Variants in KLHDC4 observed in about 807,000 individuals in gnomAD.
KLHDC4 encodes the protein kelch domain containing 4, also known as kelch domain-containing protein 4.
A neutral mutation model predicts 62.4 loss-of-function variants in KLHDC4; 90 were observed. The ratio of observed to expected loss-of-function variants is 1.44; its 90% CI spans 1.22 to 1.72. The LOEUF (loss-of-function observed/expected upper bound fraction) is 1.72. KLHDC4 is among the 40% of genes most tolerant of loss of function. KLHDC4 has a pLI of 0.00. For synonymous variants in KLHDC4, 386 were observed against 284.4 expected, an observed-to-expected ratio of 1.36 and a Z score of -3.59; for missense variants, 1,025 against 699.7, an observed-to-expected ratio of 1.47 and a Z score of -5.25.
At chr16:87,749,606 C>T (rs1360596300) in intron 4 of KLHDC4, among the ~76,000 whole-genome samples, 1 of 151,260 alleles carries the variant, frequency 6.6e-6, no homozygotes, top group African/African-American at 2.4e-5. Flanking sequence ...CTTTTAGAGA[C>T]CACGTCTTGC....
chr16:87,752,338 CTT>C (rs564903141), intron 4 of KLHDC4, among the ~76,000 whole-genome samples: 67 of 133,074 alleles, frequency 5.0e-4, no homozygotes, highest in Admixed American at 2.0e-3. Context: ...ACTGTTTTTT[CTT>C]TTTTTTTTTT....
chr16:87,748,842 G>A (rs1166596446), intron 4 of KLHDC4, 33 bp from the exon 5 acceptor site: 4 of 1,610,048 alleles, frequency 2.5e-6, no homozygotes, highest in Non-Finnish European at 3.4e-6. Flanking sequence ...TCAGGGCACA[G>A]CCACACAGCA....
rs566406547 is a variant in KLHDC4, at chr16:87,758,990, G to A, written c.192-2513C>T. ...GGGGAGTTCGAGACCAGTCTGGCCA[G>A]CATGAGGAAACCCCATCTCTACTAA... On this transcript the variant is annotated intron_variant, in intron 2 of 11. Transcript: ENST00000270583. 3.0e-3 allele frequency among the ~76,000 whole-genome samples: 460 copies of A among 151,994 alleles called. 4 individuals are homozygous for A. The highest frequency in any genetic ancestry group is 0.016 in the South Asian group (79 of 4,812).
chr16:87,715,109 G>A (rs2036682587), intron 7 of KLHDC4, among the ~76,000 whole-genome samples: 1 of 152,154 alleles, frequency 6.6e-6, no homozygotes, highest in African/African-American at 2.4e-5. Flanking sequence ...CAGGTGCACT[G>A]TTCCCCAGCA....
intron 5 of KLHDC4, among the ~76,000 whole-genome samples, chr16:87,735,053 T>G (rs2041071688): frequency 6.9e-6 from 1 of 145,442 alleles, no homozygotes; most frequent in Admixed American, 7.0e-5. Flanking sequence ...CAGACGAATT[T>G]CCTGATGGAT....
chr16:87,752,242 A>G (rs1423487510), intron 4 of KLHDC4, among the ~76,000 whole-genome samples: 1 of 150,698 alleles, frequency 6.6e-6, no homozygotes, highest in African/African-American at 2.4e-5. Flanking sequence ...CCCGTTCTCC[A>G]CAAAAAAGAA....
chr16:87,729,933 T>G (rs999462287), intron 6 of KLHDC4, among the ~76,000 whole-genome samples: 5 of 152,216 alleles, frequency 3.3e-5, no homozygotes, highest in Non-Finnish European at 7.3e-5. Context: ...AGGCTAAGGT[T>G]TGAGAATCCC....
At chr16:87,761,854 G>A (rs1234354381) in intron 2 of KLHDC4, 95 bp downstream of exon 2, 8 of 1,139,544 alleles carry the variant, frequency 7.0e-6, no homozygotes, top group Non-Finnish European at 1.0e-5. Context: ...TGTCCCAAGT[G>A]CCTGGTCATT....
chr16:87,737,908 T>G (rs1294981053), intron 5 of KLHDC4, among the ~76,000 whole-genome samples: 1 of 152,098 alleles, frequency 6.6e-6, no homozygotes, highest in Non-Finnish European at 1.5e-5. Context: ...TCTAAGTACA[T>G]GTGGGTCCCA....
Position 87,748,668 on chromosome 16 carries a change from C to CT in KLHDC4, c.506+4dup. 6.2e-7 allele frequency: 1 copy of CT among 1,613,652 alleles called. No homozygotes were observed. On this transcript the variant is annotated splice_donor_region_variant and intron_variant, in intron 5 of 11. Transcript: ENST00000270583. ...CGGAGCTCAGCTTCTCATCTGGCTTCTTACTTGACTTGTTCCCAGGTCTTG... is the reference window on the plus strand; with the variant it reads ...CGGAGCTCAGCTTCTCATCTGGCTTCTTTACTTGACTTGTTCCCAGGTCTTG...
chr16:87,734,757 CA>C (rs2040985674), intron 5 of KLHDC4, among the ~76,000 whole-genome samples: 1 of 152,170 alleles, frequency 6.6e-6, no homozygotes, highest in African/African-American at 2.4e-5. Flanking sequence ...TGGAGTCCTG[CA>C]AGCTGGCCTC....
chr16:87,738,100 A>C (rs57832667), intron 5 of KLHDC4, among the ~76,000 whole-genome samples: 4,469 of 152,120 alleles, frequency 0.029, 178 homozygotes, highest in African/African-American at 0.091. Context: ...CCAACCCACC[A>C]CCCAGAGGGC....
In KLHDC4 at chr16:87,761,423, G is replaced by A. The variant is rs180899496; in HGVS notation, c.191+526C>T. Among the ~76,000 whole-genome samples the A allele has an allele frequency of 2.5e-3, 387 of 152,284 alleles. 2 individuals are homozygous for A. Among genetic ancestry groups the A allele is most frequent in the African/African-American group, 9.0e-3 (374 of 41,558 alleles). On this transcript the variant is annotated intron_variant, in intron 2 of 11. Coordinates refer to ENST00000270583, the MANE Select transcript of KLHDC4 (RefSeq NM_017566.4). ...TCCTGCAAGGTTAATCTCCTACTGAGGGAAATAAACCATTTCTCATTCCAG... is the reference window on the plus strand; with the variant it reads ...TCCTGCAAGGTTAATCTCCTACTGAAGGAAATAAACCATTTCTCATTCCAG...
rs182665864 is a variant in KLHDC4, at chr16:87,733,131, G to T, written c.507-2487C>A. Among the ~76,000 whole-genome samples, 294 of 151,680 alleles carry T rather than the reference G, an allele frequency of 1.9e-3. 2 individuals are homozygous for T. Among genetic ancestry groups the T allele is most frequent in the African/African-American group, 6.9e-3 (283 of 41,262 alleles). ...TATCCCAGCTTCTATCGGTGAAAAG[G>T]CAGGTGCAAAGCAAATCCTATCCCA... On this transcript the variant is annotated intron_variant, in intron 5 of 11. Transcript: ENST00000270583.
At chr16:87,741,951 T>C (rs1433545769) in intron 5 of KLHDC4, among the ~76,000 whole-genome samples, 3 of 152,220 alleles carry the variant, frequency 2.0e-5, no homozygotes, top group African/African-American at 4.8e-5. Flanking sequence ...GAGCTCTTCC[T>C]GGACTTCTCA....
chr16:87,761,106 G>A (rs1208830618), intron 2 of KLHDC4, among the ~76,000 whole-genome samples: 1 of 152,164 alleles, frequency 6.6e-6, no homozygotes, highest in African/African-American at 2.4e-5. Flanking sequence ...AAACTAAAGG[G>A]AAAAAGAAAA....
At chr16:87,729,718 G>A (rs941457880) in intron 6 of KLHDC4, among the ~76,000 whole-genome samples, 13 of 152,240 alleles carry the variant, frequency 8.5e-5, no homozygotes, top group African/African-American at 2.7e-4. Context: ...CGGCATCGCT[G>A]TGGAGAGTGT....
chr16:87,717,995 C>T (rs1231572780), intron 7 of KLHDC4, among the ~76,000 whole-genome samples: 1 of 152,172 alleles, frequency 6.6e-6, no homozygotes, highest in African/African-American at 2.4e-5. Context: ...CTGATCTGCT[C>T]ACACGGGTCC....
intron 1 of KLHDC4, 52 bp from the exon 2 acceptor site, chr16:87,762,092 G>A: frequency 6.2e-7 from 1 of 1,601,386 alleles, no homozygotes; most frequent in South Asian, 1.1e-5. Flanking sequence ...ACCCGCCGCG[G>A]AGCCACAGCC....
Sources: allele counts gnomAD v4.1 joint callset (sites outside exome capture counted in the v4.1 genomes callset), GRCh38; gene constraint gnomAD v4.1.1; transcripts MANE v1.5; gene names NCBI Gene and HGNC (gene_info 2026-07-23, HGNC 2026-07-21).